RBFOX1: variants seen among roughly 807,000 people sequenced by gnomAD.
The protein encoded by RBFOX1 is RNA binding fox-1 homolog 1.
Under a neutral mutation model 57.7 loss-of-function variants are expected in RBFOX1, and 8 were observed. The ratio of observed to expected loss-of-function variants is 0.14; its 90% CI spans 0.08 to 0.25. The LOEUF is 0.25. RBFOX1 is among the 10% of genes least tolerant of loss of function. The probability of loss-of-function intolerance (pLI) is 1.00; values close to 1 mark genes in which losing one functional copy is unlikely to be tolerated. For synonymous variants in RBFOX1, 326 were observed against 222.4 expected, an observed-to-expected ratio of 1.47 and a Z score of -4.15; for missense variants, 611 against 548.5, an observed-to-expected ratio of 1.11 and a Z score of -1.14.
At chr16:6,737,789 T>C (rs578010280) in intron 3 of RBFOX1, among the ~76,000 whole-genome samples, 23 of 152,334 alleles carry the variant, frequency 1.5e-4, no homozygotes, top group Non-Finnish European at 3.2e-4. Context: ...AGGTATCTTA[T>C]ATCAAGATTG....
At chr16:7,196,159 G>C (rs568203231) in intron 4 of RBFOX1, among the ~76,000 whole-genome samples, 33 of 151,984 alleles carry the variant, frequency 2.2e-4, no homozygotes, top group Admixed American at 5.2e-4. Flanking sequence ...AACAGGCTTG[G>C]CCCAATAATT....
intron 2 of RBFOX1, among the ~76,000 whole-genome samples, chr16:6,544,439 T>A (rs2096867225): frequency 1.3e-5 from 2 of 152,198 alleles, no homozygotes; most frequent in African/African-American, 4.8e-5. Flanking sequence ...CCAGCTTAGT[T>A]GAACGGATGT....
At chr16:7,135,903 A>C (rs1429583995) in intron 4 of RBFOX1, among the ~76,000 whole-genome samples, 1 of 152,226 alleles carries the variant, frequency 6.6e-6, no homozygotes, top group Non-Finnish European at 1.5e-5. Context: ...TGCATCTGGC[A>C]CACAGGTTCA....
intron 2 of RBFOX1, among the ~76,000 whole-genome samples, chr16:5,598,743 T>C (rs2047268956): frequency 6.6e-6 from 1 of 152,122 alleles, no homozygotes; most frequent in African/African-American, 2.4e-5. Flanking sequence ...GCAATGCAGG[T>C]CTTGACCCCT....
chr16:5,454,461 T>C (rs918106901), intron 1 of RBFOX1, among the ~76,000 whole-genome samples: 4 of 152,242 alleles, frequency 2.6e-5, no homozygotes, highest in Admixed American at 6.5e-5. Context: ...AGGGTGTTTT[T>C]ATCTAAGGCA....
intron 2 of RBFOX1, among the ~76,000 whole-genome samples, chr16:6,616,024 G>T (rs1305090551): frequency 6.6e-6 from 1 of 152,128 alleles, no homozygotes; most frequent in East Asian, 1.9e-4. Flanking sequence ...CAGGGACACT[G>T]CCCAGTTTTG....
intron 2 of RBFOX1, among the ~76,000 whole-genome samples, chr16:6,598,986 C>G (rs920644646): frequency 6.6e-6 from 1 of 152,132 alleles, no homozygotes; most frequent in Admixed American, 6.5e-5. Flanking sequence ...TGTTTCCCAT[C>G]CCAGTGTCAG....
chr16:7,059,442 A>C (rs1370805393), intron 4 of RBFOX1, among the ~76,000 whole-genome samples: 1 of 152,208 alleles, frequency 6.6e-6, no homozygotes, highest in Non-Finnish European at 1.5e-5. Context: ...GCTAGGCAGT[A>C]GAGGTATAAT....
intron 2 of RBFOX1, among the ~76,000 whole-genome samples, chr16:5,580,142 C>T (rs1436580262): frequency 1.3e-5 from 2 of 152,194 alleles, no homozygotes; most frequent in African/African-American, 4.8e-5. Context: ...TGGACTCTGC[C>T]TCCCTCGTTC....
intron 4 of RBFOX1, among the ~76,000 whole-genome samples, chr16:7,288,125 A>G (rs1181338023): frequency 1.3e-5 from 2 of 152,112 alleles, no homozygotes; most frequent in African/African-American, 2.4e-5. Flanking sequence ...TTTCCATATA[A>G]CAGGGAAATC....
At chr16:6,407,002 C>T (rs1285758815) in intron 2 of RBFOX1, among the ~76,000 whole-genome samples, 3 of 152,126 alleles carry the variant, frequency 2.0e-5, no homozygotes, top group African/African-American at 7.2e-5. Context: ...CTGGAGGTCC[C>T]AATGAGATAA....
intron 2 of RBFOX1, among the ~76,000 whole-genome samples, chr16:5,553,054 T>C (rs1338036627): frequency 1.3e-5 from 2 of 152,142 alleles, no homozygotes; most frequent in East Asian, 3.9e-4. Context: ...ACACCGCATG[T>C]TCTCATTCAT....
At chr16:6,055,914 T>A (rs2095608957) in intron 1 of RBFOX1, among the ~76,000 whole-genome samples, 1 of 152,214 alleles carries the variant, frequency 6.6e-6, no homozygotes, top group Non-Finnish European at 1.5e-5. Flanking sequence ...ATTTTACTAA[T>A]CCCCTCTTGA....
chr16:5,998,435 C>T (rs987243260), intron 4 of RBFOX1, among the ~76,000 whole-genome samples: 71 of 152,168 alleles, frequency 4.7e-4, no homozygotes, highest in Admixed American at 4.4e-3. Flanking sequence ...TGGGGGAAGG[C>T]GGGCAAGCGA....
intron 4 of RBFOX1, among the ~76,000 whole-genome samples, chr16:5,972,195 A>G (rs761278637): frequency 6.6e-6 from 1 of 152,156 alleles, no homozygotes; most frequent in Non-Finnish European, 1.5e-5. Flanking sequence ...GTAAATACAC[A>G]CACATAAGCA....
intron 3 of RBFOX1, among the ~76,000 whole-genome samples, chr16:6,763,443 A>C (rs2076913157): frequency 6.6e-6 from 1 of 152,166 alleles, no homozygotes; most frequent in Admixed American, 6.5e-5. Flanking sequence ...GGGCCTGTAC[A>C]CCTGTCTTAT....
At chr16:5,248,246 C>G (rs2062353163) in intron 1 of RBFOX1, among the ~76,000 whole-genome samples, 1 of 152,232 alleles carries the variant, frequency 6.6e-6, no homozygotes, top group African/African-American at 2.4e-5. Context: ...TTTATAATGT[C>G]TAAGCATGCA....
In RBFOX1 at chr16:6,670,357, A is replaced by G. The variant is rs572258694; in HGVS notation, c.-16+15707A>G. ...AATGCTGGGATTACAGGGGTGAGCC[A>G]CTGCTCCCAGACAAACATATGTATT... On this transcript the variant is annotated intron_variant, in intron 3 of 15. Coordinates refer to ENST00000550418, the MANE Select transcript of RBFOX1 (RefSeq NM_018723.4). Among the ~76,000 whole-genome samples the G allele has an allele frequency of 3.5e-4, 54 of 152,288 alleles. 1 individual carries two copies. Among genetic ancestry groups the G allele is most frequent in the African/African-American group, 1.2e-3 (51 of 41,564 alleles).
intron 2 of RBFOX1, among the ~76,000 whole-genome samples, chr16:6,337,972 G>A (rs1057418154): frequency 6.6e-6 from 1 of 152,120 alleles, no homozygotes; most frequent in Non-Finnish European, 1.5e-5. Flanking sequence ...CACAAAGTCA[G>A]AAAAGCGACA....
Sources: allele counts gnomAD v4.1 joint callset (sites outside exome capture counted in the v4.1 genomes callset), GRCh38; gene constraint gnomAD v4.1.1; transcripts MANE v1.5; gene names NCBI Gene and HGNC (gene_info 2026-07-23, HGNC 2026-07-21).